The following APOOL variants were observed in gnomAD, a reference collection of about 807,000 sequenced individuals.
APOOL encodes the protein MICOS complex subunit MIC27.
In APOOL, 12 loss-of-function variants were observed where a neutral mutation model predicts 23.1. The ratio of observed to expected loss-of-function variants is 0.52; its 90% CI spans 0.33 to 0.84. The LOEUF is 0.84. Ranked by LOEUF, APOOL falls within the 40% of genes least tolerant of loss-of-function variation. The pLI, the probability that APOOL is intolerant of heterozygous loss-of-function variation, is 0.02. For synonymous variants in APOOL, 77 were observed against 69.9 expected (o/e 1.10, Z -0.51); for missense variants, 212 against 199.6 (o/e 1.06, Z -0.37).
At chrX:85,058,398 A>G (rs1355963431) in intron 5 of APOOL, among the ~76,000 whole-genome samples, 6 of 111,689 alleles carry the variant, frequency 5.4e-5, no homozygotes, top group Admixed American at 9.6e-5. Context: ...TGCAAAGGAC[A>G]TGATCTCATT....
At chrX:85,072,640 T>C (rs772012514) in intron 6 of APOOL, among the ~76,000 whole-genome samples, 4 of 111,032 alleles carry the variant, frequency 3.6e-5, no homozygotes, top group Non-Finnish European at 7.5e-5. Context: ...CGTGCCTCAA[T>C]AGGGAATTTG....
At chrX:85,025,572 A>G (rs1002663164) in intron 1 of APOOL, among the ~76,000 whole-genome samples, 3 of 112,528 alleles carry the variant, frequency 2.7e-5, no homozygotes, top group Non-Finnish European at 3.8e-5. Flanking sequence ...TTTGTTGGGT[A>G]TAGGCATTAG....
chrX:85,078,376 G>A (rs1923944932), intron 8 of APOOL, among the ~76,000 whole-genome samples: 1 of 111,188 alleles, frequency 9.0e-6, no homozygotes, highest in Admixed American at 9.6e-5. Flanking sequence ...TTTTTGTCAG[G>A]TTTGTCAAAG....
At position 85,067,131 on chromosome X, in the gene APOOL, C is replaced by T; in HGVS notation, c.399C>T (p.Ser133=). Residue 133 remains serine (S), a synonymous_variant, in exon 6 of 9, where the codon TCC becomes TCT. Transcript: ENST00000373173. ...TAATATATTTGCATTTTATAGGTTCCAAGTTTAAGAAAATTACTTATCCTC... is the reference window on the plus strand; with the variant it reads ...TAATATATTTGCATTTTATAGGTTCTAAGTTTAAGAAAATTACTTATCCTC... ...LAGLVSARKG[S]KFKKITYPLG... 2 of 1,145,043 alleles carry T rather than the reference C, an allele frequency of 1.7e-6. No individual in the cohort carries two copies. The highest frequency in any genetic ancestry group is 2.3e-6 in the Non-Finnish European group (2 of 855,782). The allele number at this position is 1,145,043 out of a possible 1,213,427, so 94.4% of individuals were successfully genotyped here. A position where few individuals can be genotyped will look rare whatever the true frequency, so the allele number is the denominator to read the frequency against.
rs756686077 is a variant in APOOL, at chrX:85,026,324, T to TCCTGGGCC, written c.16-20113_16-20106dup. ...GCCTGGCCTACAAAACCCTTTATTC[T>TCCTGGGCC]CCTGGGCCCCTGGGCCTGTGATGGG... On this transcript the variant is annotated intron_variant, in intron 1 of 8. Coordinates refer to ENST00000373173, the MANE Select transcript of APOOL (RefSeq NM_198450.6). Among the ~76,000 whole-genome samples, 5 of 112,890 alleles carry TCCTGGGCC rather than the reference T, an allele frequency of 4.4e-5. No homozygotes were observed. In the Admixed American group the frequency reaches 4.6e-4, roughly 10 times the overall value.
chrX:85,028,768 C>A (rs1258953322), intron 1 of APOOL, among the ~76,000 whole-genome samples: 1 of 110,388 alleles, frequency 9.1e-6, no homozygotes, highest in Non-Finnish European at 1.9e-5. Flanking sequence ...TTAGATCTCA[C>A]AAGTAAGTGA....
In APOOL at chrX:85,087,726, G is replaced by A. The variant is rs372237755; in HGVS notation, c.*48G>A. On this transcript the variant is annotated 3_prime_UTR_variant, in exon 9 of 9. Coordinates refer to ENST00000373173, the MANE Select transcript of APOOL (RefSeq NM_198450.6). ...CACAGAAAACTACAAGATGTGTGGC[G>A]TTGCAAATAATGATGAAAATAAATC... The A allele has an allele frequency of 6.3e-5, 65 of 1,028,979 alleles. No individual in the cohort carries two copies. Among genetic ancestry groups the A allele is most frequent in the South Asian group, 1.4e-4 (6 of 43,135 alleles). 84.8% of individuals were successfully genotyped at this position (1,028,979 alleles called of 1,213,427 possible). A position where few individuals can be genotyped will look rare whatever the true frequency, so the allele number is the denominator to read the frequency against.
rs1924430994 is a variant in APOOL at position 85,088,314 on chromosome X, CTGT to C, written c.*638_*640del. 8.4e-5 allele frequency: 1 copy of C among 11,837 alleles called. No individual in the cohort carries two copies. The highest frequency in any genetic ancestry group is 2.4e-3 in the East Asian group (1 of 418). The allele number at this position is 11,837 out of a possible 1,213,427, so 1.0% of individuals were successfully genotyped here. A position where few individuals can be genotyped will look rare whatever the true frequency, so the allele number is the denominator to read the frequency against. On this transcript the variant is annotated 3_prime_UTR_variant, in exon 9 of 9. Coordinates refer to ENST00000373173, the MANE Select transcript of APOOL (RefSeq NM_198450.6). ...GGTGTATGGAAAGGTGTGTTTCCCT[CTGT>C]TTTTTTTTTTTTTTTTTTTTTTTTT... is the stretch of plus-strand genomic sequence containing the variant.
chrX:85,053,962 G>T (rs1922866188), intron 3 of APOOL, among the ~76,000 whole-genome samples: 1 of 110,946 alleles, frequency 9.0e-6, no homozygotes, highest in African/African-American at 3.3e-5. Context: ...TTATGTTGTT[G>T]CTATTGCAAC....
chrX:85,004,125 G>T (rs2042789718), intron 1 of APOOL, among the ~76,000 whole-genome samples, 198 bp downstream of exon 1: 1 of 111,694 alleles, frequency 9.0e-6, no homozygotes, highest in Admixed American at 9.5e-5. Context: ...AGCCTGGGAC[G>T]CTGCTCCCTC....
At chrX:85,024,726 G>A (rs939625441) in intron 1 of APOOL, among the ~76,000 whole-genome samples, 3 of 112,541 alleles carry the variant, frequency 2.7e-5, no homozygotes, top group Admixed American at 9.4e-5. Flanking sequence ...TGGACTTTTC[G>A]CCAGCAGCCG....
At chrX:85,024,275 T>C (rs66619244) in intron 1 of APOOL, among the ~76,000 whole-genome samples, 4,974 of 111,894 alleles carry the variant, frequency 0.044, 241 homozygotes, top group African/African-American at 0.14. Flanking sequence ...AACTAGATAA[T>C]CATTTTTCTC....
intron 1 of APOOL, among the ~76,000 whole-genome samples, chrX:85,036,915 T>C (rs994912420): frequency 3.6e-5 from 4 of 110,858 alleles, no homozygotes; most frequent in Admixed American, 2.9e-4. Flanking sequence ...TCCTCATGTA[T>C]TAGCTCTCCT....
rs374076576 is a variant in APOOL at position 85,088,109 on chromosome X, C to CAT, written c.*436_*437dup. The CAT allele has an allele frequency of 0.013, 58 of 4,352 alleles. 5 individuals carry two copies. The highest frequency in any genetic ancestry group is 0.023 in the African/African-American group (29 of 1,287). 0.4% of individuals were successfully genotyped at this position (4,352 alleles called of 1,213,427 possible). On this transcript the variant is annotated 3_prime_UTR_variant, in exon 9 of 9. Coordinates refer to ENST00000373173, the MANE Select transcript of APOOL (RefSeq NM_198450.6). ...GTATAAATACATATACATATTTATA[C>CAT]ATATATGTATAAATACATACATATT...
intron 5 of APOOL, among the ~76,000 whole-genome samples, chrX:85,064,411 TC>T (rs746914164): frequency 3.7e-5 from 4 of 107,859 alleles, no homozygotes; most frequent in African/African-American, 1.4e-4. Flanking sequence ...TTATTTCTTG[TC>T]TTCTGCTAGG....
rs1924430207 is a variant in APOOL, at chrX:85,088,310, C to A, written c.*632C>A. On this transcript the variant is annotated 3_prime_UTR_variant, in exon 9 of 9. Coordinates refer to ENST00000373173, the MANE Select transcript of APOOL (RefSeq NM_198450.6). The stretch of plus-strand genomic sequence containing the variant: ...GAATGGTGTATGGAAAGGTGTGTTT[C>A]CCTCTGTTTTTTTTTTTTTTTTTTT... 2.4e-5 allele frequency: 1 copy of A among 41,067 alleles called. No individual in the cohort carries two copies. Among genetic ancestry groups the A allele is most frequent in the African/African-American group, 7.5e-5 (1 of 13,381 alleles). 3.4% of individuals were successfully genotyped at this position (41,067 alleles called of 1,213,427 possible).
At chrX:85,043,524 T>A (rs1044681389) in intron 1 of APOOL, among the ~76,000 whole-genome samples, 11 of 111,532 alleles carry the variant, frequency 9.9e-5, no homozygotes, top group African/African-American at 3.6e-4. Flanking sequence ...ATATGTTTTT[T>A]AAAAACATTT....
intron 1 of APOOL, among the ~76,000 whole-genome samples, chrX:85,016,268 C>A (rs1401819998): frequency 1.9e-5 from 2 of 104,587 alleles, no homozygotes; most frequent in African/African-American, 7.0e-5. Flanking sequence ...TTGTACCAAC[C>A]TAATAATGCC....
chrX:85,026,892 C>T (rs764570174), intron 1 of APOOL, among the ~76,000 whole-genome samples: 4 of 111,806 alleles, frequency 3.6e-5, no homozygotes, highest in African/African-American at 1.3e-4. Context: ...ATTTTCTGAG[C>T]CCTCCACACT....
Sources: allele counts gnomAD v4.1 joint callset (sites outside exome capture counted in the v4.1 genomes callset), GRCh38; gene constraint gnomAD v4.1.1; transcripts MANE v1.5; gene names NCBI Gene and HGNC (gene_info 2026-07-23, HGNC 2026-07-21).